Variants in FMN1 observed in about 807,000 individuals in gnomAD.
FMN1 encodes formin 1, also known as formin-1.
Under a neutral mutation model 132.4 loss-of-function variants are expected in FMN1, and 110 were observed. That is an observed-to-expected ratio of 0.83 (90% confidence interval 0.71 to 0.97). The LOEUF is 0.97. Among genes scored for constraint, FMN1 ranks in the 50% least tolerant of loss-of-function variants. FMN1 has a pLI of 0.00. For missense variants in FMN1, 1,792 were observed against 1,705.3 expected, an observed-to-expected ratio of 1.05 and a Z score of -0.90; for synonymous variants, 722 against 651.7, an observed-to-expected ratio of 1.11 and a Z score of -1.64.
At chr15:32,864,364 T>C (rs1308669442) in intron 16 of FMN1, among the ~76,000 whole-genome samples, 4 of 152,140 alleles carry the variant, frequency 2.6e-5, no homozygotes, top group African/African-American at 7.2e-5. Context: ...CCGACATAAG[T>C]TAGATTTTGA....
At chr15:33,066,349 G>A (rs1234793282) in intron 5 of FMN1, among the ~76,000 whole-genome samples, 3 of 152,082 alleles carry the variant, frequency 2.0e-5, no homozygotes, top group Non-Finnish European at 4.4e-5. Flanking sequence ...AGCACTTCTG[G>A]TTAACTCCAT....
At chr15:32,830,913 G>A (rs2058484942) in intron 17 of FMN1, among the ~76,000 whole-genome samples, 1 of 152,084 alleles carries the variant, frequency 6.6e-6, no homozygotes, top group South Asian at 2.1e-4. Flanking sequence ...GGGAGGGCAG[G>A]ATCCAAGCCA....
chr15:32,811,712 T>C (rs1388903346), intron 17 of FMN1, among the ~76,000 whole-genome samples: 1 of 151,822 alleles, frequency 6.6e-6, no homozygotes, highest in African/African-American at 2.4e-5. Flanking sequence ...TCACTCAGGC[T>C]GGAGTGCAGT....
At chr15:32,942,926 T>G (rs902180460) in intron 9 of FMN1, among the ~76,000 whole-genome samples, 1 of 152,178 alleles carries the variant, frequency 6.6e-6, no homozygotes. Flanking sequence ...CAAATAAATG[T>G]AGAAACCATA....
chr15:32,903,938 G>A (rs1156285346), intron 12 of FMN1, among the ~76,000 whole-genome samples: 2 of 152,096 alleles, frequency 1.3e-5, no homozygotes, highest in African/African-American at 4.8e-5. Flanking sequence ...AGTTGGAGGG[G>A]GGAGAAAAGA....
intron 17 of FMN1, among the ~76,000 whole-genome samples, chr15:32,854,919 A>C (rs1449948006): frequency 6.6e-6 from 1 of 151,824 alleles, no homozygotes; most frequent in Non-Finnish European, 1.5e-5. Context: ...CACCTCAAAA[A>C]AAAAAACAAA....
intron 2 of FMN1, among the ~76,000 whole-genome samples, chr15:33,187,863 A>C (rs923835393): frequency 2.6e-5 from 4 of 152,224 alleles, no homozygotes; most frequent in African/African-American, 9.6e-5. Context: ...GATAATTTTC[A>C]TATACCTGTC....
At chr15:32,979,044 C>T (rs1036952421) in intron 7 of FMN1, among the ~76,000 whole-genome samples, 26 of 151,970 alleles carry the variant, frequency 1.7e-4, no homozygotes, top group African/African-American at 6.0e-4. Flanking sequence ...AAATAGTTCC[C>T]GCAACTTTAC....
At chr15:32,995,737 T>G (rs547418089) in intron 7 of FMN1, among the ~76,000 whole-genome samples, 41 of 152,218 alleles carry the variant, frequency 2.7e-4, no homozygotes, top group Non-Finnish European at 2.2e-4. Context: ...TTTAGAAAAT[T>G]TGTCTTTACA....
At position 33,127,018 on chromosome 15, in the gene FMN1, G is replaced by A. The variant is rs1963148883; in HGVS notation, c.1867+26030C>T. On this transcript the variant is annotated intron_variant, in intron 4 of 20. Coordinates refer to ENST00000616417, the MANE Select transcript of FMN1 (RefSeq NM_001277313.2). Reference sequence around the variant, plus strand: ...GTCATGACTACATGTGGGAGTTTGAGAAAACTGCAAGATGCATGTTGCAAA... The same window carrying A: ...GTCATGACTACATGTGGGAGTTTGAAAAAACTGCAAGATGCATGTTGCAAA... Among the ~76,000 whole-genome samples, 3 of 152,328 alleles carry A rather than the reference G, an allele frequency of 2.0e-5. No individual in the cohort carries two copies. In the South Asian group the frequency reaches 6.2e-4, roughly 32 times the overall value.
At chr15:32,897,972 A>G (rs1229646360) in intron 15 of FMN1, among the ~76,000 whole-genome samples, 1 of 152,214 alleles carries the variant, frequency 6.6e-6, no homozygotes, top group Non-Finnish European at 1.5e-5. Flanking sequence ...AAATCAGGGA[A>G]AAGTTTGGGG....
intron 17 of FMN1, among the ~76,000 whole-genome samples, chr15:32,814,004 G>GAA (rs1292024870): frequency 6.6e-6 from 1 of 152,188 alleles, no homozygotes; most frequent in East Asian, 1.9e-4. Flanking sequence ...ACATCAGAGA[G>GAA]AAAGTTCCAA....
Position 32,855,635 on chromosome 15 carries a change from C to T in FMN1, c.3928+1380G>A, listed in dbSNP as rs572579563. Among the ~76,000 whole-genome samples, 6 of 152,186 alleles carry T rather than the reference C, an allele frequency of 3.9e-5. No individual in the cohort carries two copies. The East Asian group carries it at 1.2e-3, about 29-fold the overall frequency. The stretch of plus-strand genomic sequence containing the variant: ...ATTACAGCATGCAGGTAAATAGTAC[C>T]CTGACATGCACATGGCAAAATTTTC... On this transcript the variant is annotated intron_variant, in intron 17 of 20. Coordinates refer to ENST00000616417, the MANE Select transcript of FMN1 (RefSeq NM_001277313.2).
intron 19 of FMN1, among the ~76,000 whole-genome samples, chr15:32,785,257 A>C (rs1338957762): frequency 1.7e-5 from 2 of 119,298 alleles, no homozygotes; most frequent in East Asian, 2.4e-4. Flanking sequence ...AGGTTTCACC[A>C]TGTTGCCCAG....
At chr15:32,952,309 C>T (rs1457906199) in intron 9 of FMN1, among the ~76,000 whole-genome samples, 1 of 152,188 alleles carries the variant, frequency 6.6e-6, no homozygotes, top group Non-Finnish European at 1.5e-5. Flanking sequence ...ACCATCTCAA[C>T]GTCTCATTTT....
intron 19 of FMN1, among the ~76,000 whole-genome samples, chr15:32,790,878 T>G (rs1405182437): frequency 6.6e-6 from 1 of 152,160 alleles, no homozygotes; most frequent in Non-Finnish European, 1.5e-5. Flanking sequence ...ACTGCTAAAA[T>G]AACAAGTTGG....
chr15:32,850,642 A>G (rs755542916), intron 17 of FMN1, among the ~76,000 whole-genome samples: 3 of 152,206 alleles, frequency 2.0e-5, no homozygotes, highest in Non-Finnish European at 4.4e-5. Flanking sequence ...GGCTGAGCCT[A>G]TATGATGTTG....
chr15:32,931,026 T>C (rs1268093222), intron 9 of FMN1, among the ~76,000 whole-genome samples: 4 of 152,074 alleles, frequency 2.6e-5, no homozygotes, highest in Non-Finnish European at 5.9e-5. Flanking sequence ...ATTTCTGGGT[T>C]CTCTATTCTG....
At chr15:33,059,383 T>C (rs921987267) in intron 6 of FMN1, among the ~76,000 whole-genome samples, 2 of 152,240 alleles carry the variant, frequency 1.3e-5, no homozygotes, top group Non-Finnish European at 2.9e-5. Context: ...TTTTACATAT[T>C]GGTTTCAGTT....
Sources: gnomAD v4.1 joint callset for allele counts (sites outside exome capture counted in the v4.1 genomes callset) on GRCh38, gnomAD v4.1.1 for gene constraint, MANE v1.5 for transcripts, NCBI Gene and HGNC (gene_info 2026-07-23, HGNC 2026-07-21) for gene names.